Variants in NRAP observed in about 807,000 individuals in gnomAD.
The protein encoded by NRAP is nebulin related anchoring protein.
Under a neutral mutation model 225.9 loss-of-function variants are expected in NRAP, and 189 were observed. That is an observed-to-expected ratio of 0.84 (90% CI 0.74 to 0.94). NRAP has a LOEUF of 0.94. NRAP is among the 40% of genes least tolerant of loss of function. The pLI is 0.00. For missense variants in NRAP, 2,176 were observed against 2,168.7 expected, an observed-to-expected ratio of 1.00 and a Z score of -0.07; for synonymous variants, 769 against 790.7, an observed-to-expected ratio of 0.97 and a Z score of 0.46.
rs1250685526 is a variant in NRAP, at chr10:113,629,775, T to C, written c.1853A>G (p.Lys618Arg). The change falls in exon 19 of 42, where the codon AAG (lysine) becomes AGG (arginine). Residue 618 changes from lysine (K) to arginine (R), a missense_variant. Coordinates refer to ENST00000359988, the MANE Select transcript of NRAP (RefSeq NM_198060.4). ...GGTCTTACTCTCTTCAAAGCCTTTC[T>C]TATATTCAACCTTGAATATACCAAA... ...IAKMSSEVEY[K>R]KGFEESKTRF... 2 of 1,611,934 alleles carry C rather than the reference T, an allele frequency of 1.2e-6. No homozygotes were observed. The highest frequency in any genetic ancestry group is 3.3e-5 in the Admixed American group (2 of 60,032).
chr10:113,612,365 G>GTCCAACGGCCATGTCCAAC lies in NRAP; in HGVS notation c.3366_3367insGTTGGACATGGCCGTTGGA (p.Leu1123ValfsTer50). On this transcript the variant is annotated frameshift_variant, in exon 30 of 42. Coordinates refer to ENST00000359988, the MANE Select transcript of NRAP (RefSeq NM_198060.4). LOFTEE classifies it high-confidence loss of function. ...GTCTGAGCCTTCTTGGCATGCACCA[G>GTCCAACGGCCATGTCCAAC]GGCGGCCATGTCCAACGGCAGATGG... The GTCCAACGGCCATGTCCAAC allele has an allele frequency of 6.2e-7, 1 of 1,614,200 alleles. No individual in the cohort carries two copies. The highest frequency in any genetic ancestry group is 8.5e-7 in the Non-Finnish European group (1 of 1,180,020).
chr10:113,658,625 A>G (rs932014475), intron 3 of NRAP, among the ~76,000 whole-genome samples: 1 of 152,082 alleles, frequency 6.6e-6, no homozygotes, highest in African/African-American at 2.4e-5. Context: ...TCACGCCTGC[A>G]CTCCCAGCAA....
At position 113,663,349 on chromosome 10, in the gene NRAP, T is replaced by TA. The variant is rs1344737541; in HGVS notation, c.167+2dup. On this transcript the variant is annotated splice_region_variant and intron_variant, in intron 2 of 41. Coordinates refer to ENST00000359988, the MANE Select transcript of NRAP (RefSeq NM_198060.4). ...GGTAGTGGTGGGGGCATCAAACACT[T>TA]ACGCGTGACAGTACGGCTTTTTCTG... 1.3e-6 allele frequency: 2 copies of TA among 1,585,544 alleles called. No individual in the cohort carries two copies. Among genetic ancestry groups the TA allele is most frequent in the African/African-American group, 1.3e-5 (1 of 74,312 alleles).
At chr10:113,628,325 T>C (rs907307276) in intron 20 of NRAP, among the ~76,000 whole-genome samples, 1 of 152,100 alleles carries the variant, frequency 6.6e-6, no homozygotes, top group Admixed American at 6.5e-5. Context: ...GTAGCTGGGA[T>C]TACAGGCACG....
chr10:113,639,091 CAAA>C (rs60509891), intron 14 of NRAP, among the ~76,000 whole-genome samples: 4 of 115,800 alleles, frequency 3.5e-5, no homozygotes, highest in African/African-American at 1.0e-4. Context: ...ATGTATATAG[CAAA>C]AAAAAAAAAA....
intron 3 of NRAP, among the ~76,000 whole-genome samples, chr10:113,660,062 AC>A (rs1850564324): frequency 6.7e-6 from 1 of 150,118 alleles, no homozygotes; most frequent in Non-Finnish European, 1.5e-5. Context: ...ACACACACAC[AC>A]ACACACACAC....
At chr10:113,651,939 C>T (rs1408663079) in intron 6 of NRAP, 32 bp from the exon 7 acceptor site, 2 of 1,398,158 alleles carry the variant, frequency 1.4e-6, no homozygotes, top group Non-Finnish European at 2.0e-6. Flanking sequence ...CAAGGGTGCA[C>T]CCACCTCACA....
chr10:113,618,779 C>T (rs964887967), intron 25 of NRAP, among the ~76,000 whole-genome samples: 1 of 152,184 alleles, frequency 6.6e-6, no homozygotes, highest in Admixed American at 6.5e-5. Flanking sequence ...AACCCCGTCT[C>T]TACTAAAAAT....
chr10:113,618,764 G>A (rs1847813385), intron 25 of NRAP, among the ~76,000 whole-genome samples: 1 of 152,152 alleles, frequency 6.6e-6, no homozygotes, highest in Admixed American at 6.5e-5. Context: ...TGGGCAACAT[G>A]GTGAAACCCC....
At position 113,654,091 on chromosome 10, in the gene NRAP, G is replaced by C. The variant is rs367663564; in HGVS notation, c.395C>G (p.Ala132Gly). The change falls in exon 5 of 42, where the codon GCT (alanine) becomes GGT (glycine). Residue 132 changes from alanine to glycine, a missense_variant. By Grantham distance (60) the Ala-to-Gly change is moderately conservative. Coordinates refer to ENST00000359988, the MANE Select transcript of NRAP (RefSeq NM_198060.4). ...GTCTGGCAGAGCTCCTGGGCACCAA[G>C]CATTCCCTTCCCCATATCCAGTCCA... ...AYWTGYGEGN[A>G]WCPGALPDPE... 3.1e-6 allele frequency: 5 copies of C among 1,613,544 alleles called. No homozygotes were observed. The highest frequency in any genetic ancestry group is 3.3e-5 in the Admixed American group (2 of 60,008).
chr10:113,646,221 A>G (rs1285880655), intron 10 of NRAP, among the ~76,000 whole-genome samples: 1 of 152,230 alleles, frequency 6.6e-6, no homozygotes, highest in Admixed American at 6.5e-5. Context: ...AAAAGTTGTC[A>G]GTCCAAACCC....
intron 35 of NRAP, among the ~76,000 whole-genome samples, chr10:113,603,318 C>T (rs1378849287): frequency 6.6e-6 from 1 of 152,040 alleles, no homozygotes; most frequent in Non-Finnish European, 1.5e-5. Flanking sequence ...TGGGAGGGGC[C>T]AGTGCTCTCC....
intron 34 of NRAP, among the ~76,000 whole-genome samples, chr10:113,605,420 C>G (rs535024895): frequency 3.9e-5 from 6 of 152,314 alleles, no homozygotes; most frequent in African/African-American, 1.4e-4. Flanking sequence ...TGTGTTCCGG[C>G]TGTATTGCAA....
intron 35 of NRAP, among the ~76,000 whole-genome samples, chr10:113,603,191 C>G (rs1413538631): frequency 2.0e-5 from 3 of 152,184 alleles, no homozygotes; most frequent in Admixed American, 1.3e-4. Flanking sequence ...TCCATGCCAT[C>G]GTTACCATGC....
At chr10:113,594,835 C>T (rs755344327) in intron 38 of NRAP, among the ~76,000 whole-genome samples, 15 of 152,200 alleles carry the variant, frequency 9.9e-5, no homozygotes, top group South Asian at 2.1e-4. Flanking sequence ...TTGATCTGCA[C>T]GGAGCCCCAG....
At chr10:113,626,021 T>A in intron 21 of NRAP, 26 bp downstream of exon 21, 1 of 1,535,668 alleles carries the variant, frequency 6.5e-7, no homozygotes, top group Non-Finnish European at 8.9e-7. Context: ...AGCAGCTTGG[T>A]GGAGAAAGGG....
intron 16 of NRAP, among the ~76,000 whole-genome samples, chr10:113,632,874 A>G (rs1242826315): frequency 1.2e-4 from 18 of 152,244 alleles, no homozygotes; most frequent in Non-Finnish European, 2.5e-4. Context: ...ACACATGCTC[A>G]TATAATGGGA....
At position 113,598,048 on chromosome 10, in the gene NRAP, C is replaced by A; in HGVS notation, c.4253G>T (p.Gly1418Val). The change falls in exon 36 of 42, where the codon GGC (glycine) becomes GTC (valine). Residue 1418 changes from glycine (G) to valine (V), a missense_variant. This residue lies in a region of NRAP where 445 missense variants were observed against 426.1 expected (regional missense o/e 1.04). Coordinates refer to ENST00000359988, the MANE Select transcript of NRAP (RefSeq NM_198060.4). The stretch of plus-strand genomic sequence containing the variant: ...CGCCAGCCATCCTATGCCCTTCATG[C>A]CGATCAGGTCTGACTTGTAGCGCAA... ...SELRYKSDLI[G>V]MKGIGWLALR... 6.2e-7 allele frequency: 1 copy of A among 1,613,582 alleles called. No homozygotes were observed. Among genetic ancestry groups the A allele is most frequent in the Non-Finnish European group, 8.5e-7 (1 of 1,179,776 alleles).
Position 113,622,132 on chromosome 10 carries a change from C to A in NRAP, c.2506G>T (p.Ala836Ser). ...TGCGAATCTCCCTGTACATCTTTTG[C>A]CCCAATGAGCTTCCCTCTGGATCTC... is the stretch of plus-strand genomic sequence containing the variant. ...YERSRGKLIG[A>S]KDVQGDSQMS... The change falls in exon 24 of 42, where the codon GCA (alanine) becomes TCA (serine). Residue 836 changes from alanine (A) to serine (S), a missense_variant. Transcript: ENST00000359988. 6.2e-7 allele frequency: 1 copy of A among 1,613,920 alleles called. No individual in the cohort carries two copies.
Sources: gnomAD v4.1 joint callset for allele counts (sites outside exome capture counted in the v4.1 genomes callset) on GRCh38, gnomAD v4.1.1 for gene constraint, gnomAD v4.1.1 regional missense constraint, MANE v1.5 for transcripts, NCBI Gene and HGNC (gene_info 2026-07-23, HGNC 2026-07-21) for gene names.